The following DLGAP2 variants were observed in gnomAD, a reference collection of about 807,000 sequenced individuals.
DLGAP2 encodes the protein DLG associated protein 2, also known as disks large-associated protein 2.
DLGAP2 carries 26 observed loss-of-function variants against 100.3 expected under a neutral mutation model. The observed-to-expected ratio is 0.26, with a 90% confidence interval of 0.19 to 0.36. The LOEUF (loss-of-function observed/expected upper bound fraction) is 0.36, where lower values mean the gene tolerates loss of function less well. Among genes scored for constraint, DLGAP2 ranks in the 10% least tolerant of loss-of-function variants. The pLI is 1.00. For missense variants in DLGAP2, 1,858 were observed against 1,453.2 expected (o/e 1.28, Z -4.53); for synonymous variants, 886 against 630.1 (o/e 1.41, Z -6.08).
At chr8:1,324,288 C>T (rs1014445326) in intron 3 of DLGAP2, among the ~76,000 whole-genome samples, 1 of 152,218 alleles carries the variant, frequency 6.6e-6, no homozygotes, top group Admixed American at 6.5e-5. Flanking sequence ...TTTCATTGAG[C>T]TCCAGGCCAT....
intron 3 of DLGAP2, among the ~76,000 whole-genome samples, chr8:1,333,849 C>G (rs1801212974): frequency 6.6e-6 from 1 of 152,244 alleles, no homozygotes; most frequent in African/African-American, 2.4e-5. Flanking sequence ...AACAGAAGCT[C>G]AGATCTAGCA....
chr8:1,528,544 G>A (rs940207083), intron 4 of DLGAP2, among the ~76,000 whole-genome samples: 14 of 152,334 alleles, frequency 9.2e-5, no homozygotes, highest in African/African-American at 2.2e-4. Flanking sequence ...GGGCCCACCC[G>A]GGGGCTGGCC....
chr8:1,252,085 T>C (rs1799055914), intron 2 of DLGAP2, among the ~76,000 whole-genome samples: 1 of 146,904 alleles, frequency 6.8e-6, no homozygotes, highest in Non-Finnish European at 1.5e-5. Context: ...GTGGGTGTGT[T>C]GTGTTGTCCT....
intron 1 of DLGAP2, among the ~76,000 whole-genome samples, chr8:895,270 C>T (rs1233359821): frequency 6.6e-6 from 1 of 152,080 alleles, no homozygotes; most frequent in African/African-American, 2.4e-5. Flanking sequence ...TACATCATAT[C>T]GGACTCCATA....
intron 3 of DLGAP2, among the ~76,000 whole-genome samples, chr8:1,285,137 A>C (rs1009241446): frequency 6.6e-5 from 10 of 152,204 alleles, no homozygotes; most frequent in African/African-American, 2.4e-4. Context: ...GGCTGGAATG[A>C]GGAAACTTGG....
chr8:1,266,822 C>T (rs189493150), intron 3 of DLGAP2, among the ~76,000 whole-genome samples: 12 of 152,126 alleles, frequency 7.9e-5, no homozygotes, highest in Admixed American at 6.5e-5. Flanking sequence ...GAATACATGC[C>T]CTCTCCCCAT....
rs577389331 is a variant in DLGAP2 at position 1,243,697 on chromosome 8, C to T, written c.74-15154C>T. ...GGCTGGAGCCTGCCGATGCCCATGCCGCTGCCTCAGTCATGCCCTGATCCT... is the reference window on the plus strand; with the variant it reads ...GGCTGGAGCCTGCCGATGCCCATGCTGCTGCCTCAGTCATGCCCTGATCCT... On this transcript the variant is annotated intron_variant, in intron 2 of 14. Transcript: ENST00000637795. 6.8e-4 allele frequency among the ~76,000 whole-genome samples: 104 copies of T among 152,276 alleles called. 1 individual carries two copies. Among genetic ancestry groups the T allele is most frequent in the Admixed American group, 6.1e-3 (94 of 15,308 alleles).
chr8:1,338,987 C>G (rs548917864), intron 3 of DLGAP2, among the ~76,000 whole-genome samples: 1 of 147,596 alleles, frequency 6.8e-6, no homozygotes, highest in African/African-American at 2.5e-5. Context: ...CTCAGTGAGG[C>G]GTCAGGACCT....
chr8:742,534 G>C (rs146089371), intron 1 of DLGAP2, among the ~76,000 whole-genome samples: 77 of 152,240 alleles, frequency 5.1e-4, no homozygotes, highest in African/African-American at 1.7e-3. Context: ...TTAGAGACAG[G>C]GTCTCCCTCT....
intron 2 of DLGAP2, chr8:1,247,164 G>C (rs1290528562): frequency 1.3e-5 from 2 of 153,512 alleles, no homozygotes; most frequent in East Asian, 4.2e-4. Context: ...TTTGAGATCA[G>C]TGTGGGAGTG....
intron 4 of DLGAP2, among the ~76,000 whole-genome samples, chr8:1,504,500 T>A (rs1357186138): frequency 5.9e-5 from 9 of 152,148 alleles, no homozygotes; most frequent in Non-Finnish European, 1.3e-4. Context: ...CGTCACTTAC[T>A]CCTCTTGTCT....
At chr8:1,445,130 T>C (rs943535643) in intron 3 of DLGAP2, among the ~76,000 whole-genome samples, 6 of 150,386 alleles carry the variant, frequency 4.0e-5, no homozygotes, top group Non-Finnish European at 7.4e-5. Context: ...GGTACATGTG[T>C]ACAATGTGCA....
intron 2 of DLGAP2, among the ~76,000 whole-genome samples, chr8:928,929 C>T (rs2129002876): frequency 6.6e-6 from 1 of 151,686 alleles, no homozygotes; most frequent in Non-Finnish European, 1.5e-5. Context: ...GTTTTGGCTG[C>T]AACACACTGC....
chr8:1,230,478 A>G (rs1798513398), intron 2 of DLGAP2, among the ~76,000 whole-genome samples: 1 of 152,230 alleles, frequency 6.6e-6, no homozygotes, highest in Admixed American at 6.5e-5. Flanking sequence ...TCAAACTACC[A>G]AAGTCATTTT....
intron 7 of DLGAP2, among the ~76,000 whole-genome samples, chr8:1,629,655 T>C (rs79925732): frequency 3.0e-4 from 46 of 152,344 alleles, no homozygotes; most frequent in African/African-American, 9.4e-4. Flanking sequence ...TCACCTTCCC[T>C]TTCAGTGGAT....
chr8:856,873 G>A (rs970552129), intron 1 of DLGAP2, among the ~76,000 whole-genome samples: 6 of 152,172 alleles, frequency 3.9e-5, no homozygotes, highest in Non-Finnish European at 7.3e-5. Context: ...TCAACAAATT[G>A]ATCCTAAAGG....
intron 1 of DLGAP2, among the ~76,000 whole-genome samples, chr8:765,806 C>T (rs536903706): frequency 8.5e-5 from 13 of 152,216 alleles, no homozygotes; most frequent in African/African-American, 2.2e-4. Context: ...CACACACACG[C>T]GATGATGCAC....
chr8:1,278,801 G>A (rs1466798604), intron 3 of DLGAP2, among the ~76,000 whole-genome samples: 3 of 152,202 alleles, frequency 2.0e-5, no homozygotes, highest in South Asian at 2.1e-4. Context: ...AATAATTTCA[G>A]TGTTCCATTT....
chr8:775,212 T>A (rs1821482450), intron 1 of DLGAP2, among the ~76,000 whole-genome samples: 1 of 151,694 alleles, frequency 6.6e-6, no homozygotes, highest in South Asian at 2.1e-4. Context: ...ATCCTGAGAC[T>A]TTGCTGAAGT....
Sources: gnomAD v4.1 joint callset for allele counts (sites outside exome capture counted in the v4.1 genomes callset) on GRCh38, gnomAD v4.1.1 for gene constraint, MANE v1.5 for transcripts, NCBI Gene and HGNC (gene_info 2026-07-23, HGNC 2026-07-21) for gene names.